Variants in CSMD3 observed in about 807,000 individuals in gnomAD.
CSMD3 encodes the protein CUB and sushi domain-containing protein 3.
Under a neutral mutation model 435.2 loss-of-function variants are expected in CSMD3, and 177 were observed. The ratio of observed to expected loss-of-function variants is 0.41; its 90% CI spans 0.36 to 0.46. CSMD3 has a LOEUF of 0.46. CSMD3 is among the 20% of genes least tolerant of loss of function. The pLI, the probability that CSMD3 is intolerant of heterozygous loss-of-function variation, is 0.34. For missense variants in CSMD3, 4,265 were observed against 4,504.6 expected, an observed-to-expected ratio of 0.95 and a Z score of 1.52; for synonymous variants, 1,656 against 1,520.5, an observed-to-expected ratio of 1.09 and a Z score of -2.07.
intron 1 of CSMD3, among the ~76,000 whole-genome samples, chr8:113,420,263 T>C (rs1339950936): frequency 6.6e-6 from 1 of 152,070 alleles, no homozygotes; most frequent in Non-Finnish European, 1.5e-5. Flanking sequence ...ACAAAAAATA[T>C]ATAATTGTCA....
intron 13 of CSMD3, among the ~76,000 whole-genome samples, chr8:112,719,503 G>T (rs187822635): frequency 6.6e-6 from 1 of 152,198 alleles, no homozygotes; most frequent in East Asian, 1.9e-4. Flanking sequence ...TCTTTTTCTA[G>T]CTCACAGTTG....
chr8:112,261,555 ATGTG>A (rs947782093), intron 61 of CSMD3, among the ~76,000 whole-genome samples: 3 of 151,614 alleles, frequency 2.0e-5, no homozygotes, highest in Admixed American at 6.6e-5. Context: ...GCATATATGT[ATGTG>A]TGTGTGTGTA....
At position 112,423,949 on chromosome 8, in the gene CSMD3, C is replaced by T. The variant is rs895615765; in HGVS notation, c.5396-14917G>A. Among the ~76,000 whole-genome samples the T allele has an allele frequency of 7.9e-5, 12 of 152,200 alleles. No homozygotes were observed. In the East Asian group the frequency reaches 2.1e-3, roughly 27 times the overall value. ...GAATCGTTTTAAATTACTTAATATG[C>T]TATAATTCCAATGGAAGTTTCTCAT... On this transcript the variant is annotated intron_variant, in intron 32 of 70. Transcript: ENST00000297405.
intron 5 of CSMD3, among the ~76,000 whole-genome samples, chr8:113,096,068 G>C (rs1260554557): frequency 2.6e-5 from 4 of 151,932 alleles, no homozygotes. Context: ...CACTTCAACT[G>C]GTAGAAACAG....
chr8:112,702,670 C>T (rs1038543424), intron 13 of CSMD3, among the ~76,000 whole-genome samples: 2 of 151,992 alleles, frequency 1.3e-5, no homozygotes, highest in African/African-American at 4.8e-5. Context: ...GGTAAGAGAA[C>T]AGAGAGTTAT....
In CSMD3 at chr8:112,304,741, T is replaced by C. The variant is rs2130776767; in HGVS notation, c.8246A>G (p.Asn2749Ser). 1 of 1,613,576 alleles carries C rather than the reference T, an allele frequency of 6.2e-7. No homozygotes were observed. Among genetic ancestry groups the C allele is most frequent in the Non-Finnish European group, 8.5e-7 (1 of 1,179,540 alleles). Residue 2749 changes from asparagine to serine, a missense_variant, in exon 52 of 71, where the codon AAT becomes AGT. Asn to Ser is a conservative substitution (Grantham distance 46). Coordinates refer to ENST00000297405, the MANE Select transcript of CSMD3 (RefSeq NM_198123.2). Reference protein sequence around the residue: ...CLPNGTWSWRNERPYCQIISC... With the variant: ...CLPNGTWSWRSERPYCQIISC... ...CTTACTTTGGCAATATGGTCTTTCA[T>C]TTCTCCAACTCCAAGTACCATTAGG...
chr8:113,114,475 T>C (rs1212688641), intron 4 of CSMD3, among the ~76,000 whole-genome samples: 1 of 152,160 alleles, frequency 6.6e-6, no homozygotes, highest in Non-Finnish European at 1.5e-5. Context: ...TTCATTTGTG[T>C]TTGGACCTTG....
At chr8:112,757,481 CT>C (rs1398029291) in intron 13 of CSMD3, among the ~76,000 whole-genome samples, 1 of 151,824 alleles carries the variant, frequency 6.6e-6, no homozygotes, top group Non-Finnish European at 1.5e-5. Flanking sequence ...TTCTTTCATT[CT>C]TTTTTAGCAA....
intron 66 of CSMD3, among the ~76,000 whole-genome samples, chr8:112,239,439 C>T (rs972942443): frequency 2.0e-5 from 3 of 151,758 alleles, no homozygotes; most frequent in African/African-American, 4.8e-5. Flanking sequence ...TATCTTTATC[C>T]GAGTTATTAG....
chr8:112,826,939 G>A (rs2079698469), intron 12 of CSMD3, among the ~76,000 whole-genome samples: 1 of 151,642 alleles, frequency 6.6e-6, no homozygotes, highest in East Asian at 2.0e-4. Flanking sequence ...GTCCAAAAAG[G>A]ATATCAATTG....
At chr8:112,407,434 CA>C in intron 34 of CSMD3, among the ~76,000 whole-genome samples, 1 of 151,700 alleles carries the variant, frequency 6.6e-6, no homozygotes. Context: ...AAACACATAA[CA>C]AATGTGATTA....
intron 6 of CSMD3, among the ~76,000 whole-genome samples, chr8:112,996,064 G>A (rs921599992): frequency 6.6e-6 from 1 of 151,382 alleles, no homozygotes; most frequent in Admixed American, 6.6e-5. Flanking sequence ...GCTAAGTTAA[G>A]CTAATTAATA....
chr8:112,586,749 A>C (rs1325615102), intron 23 of CSMD3, among the ~76,000 whole-genome samples: 1 of 151,344 alleles, frequency 6.6e-6, no homozygotes, highest in Non-Finnish European at 1.5e-5. Flanking sequence ...GATGTTTTAT[A>C]TATAATAATT....
chr8:112,442,914 T>C (rs1238981887), intron 32 of CSMD3, among the ~76,000 whole-genome samples: 1 of 152,210 alleles, frequency 6.6e-6, no homozygotes, highest in East Asian at 1.9e-4. Context: ...ATAATCCCTG[T>C]AGCACCTGTC....
At chr8:113,362,318 T>C (rs1413348656) in intron 1 of CSMD3, among the ~76,000 whole-genome samples, 2 of 152,176 alleles carry the variant, frequency 1.3e-5, no homozygotes, top group African/African-American at 2.4e-5. Context: ...GAAGTTGGCA[T>C]TGAGTTATAT....
At chr8:112,843,068 T>C (rs942216557) in intron 11 of CSMD3, among the ~76,000 whole-genome samples, 1 of 151,898 alleles carries the variant, frequency 6.6e-6, no homozygotes, top group Non-Finnish European at 1.5e-5. Flanking sequence ...AAATGCTTTC[T>C]AGAATAAGCA....
chr8:113,102,359 T>C (rs149574856), intron 4 of CSMD3, among the ~76,000 whole-genome samples: 1 of 152,140 alleles, frequency 6.6e-6, no homozygotes, highest in Non-Finnish European at 1.5e-5. Flanking sequence ...CATTTTGTCA[T>C]CTGTCCAAAA....
At chr8:112,307,147 A>T (rs376268159) in intron 50 of CSMD3, among the ~76,000 whole-genome samples, 161 of 151,646 alleles carry the variant, frequency 1.1e-3, no homozygotes, top group Admixed American at 3.9e-3. Context: ...TTTTTGAGAC[A>T]GGAGTCTCAA....
intron 14 of CSMD3, among the ~76,000 whole-genome samples, chr8:112,689,617 T>A (rs1013483676): frequency 6.6e-6 from 1 of 151,998 alleles, no homozygotes; most frequent in African/African-American, 2.4e-5. Context: ...TAAAATGTCA[T>A]GAAATAAAAT....
Sources: gnomAD v4.1 joint callset for allele counts (sites outside exome capture counted in the v4.1 genomes callset) on GRCh38, gnomAD v4.1.1 for gene constraint, MANE v1.5 for transcripts, NCBI Gene and HGNC (gene_info 2026-07-23, HGNC 2026-07-21) for gene names.